IQGAP3: variants seen among roughly 807,000 people sequenced by gnomAD.
The protein encoded by IQGAP3 is IQ motif containing GTPase activating protein 3.
IQGAP3 carries 165 observed loss-of-function variants against 208.2 expected under a neutral mutation model. The ratio of observed to expected loss-of-function variants is 0.79; its 90% CI spans 0.70 to 0.90. The LOEUF (loss-of-function observed/expected upper bound fraction) is 0.90. IQGAP3 is among the 40% of genes least tolerant of loss of function. IQGAP3 has a pLI of 0.00. For missense variants in IQGAP3, 1,811 were observed against 2,043.1 expected (o/e 0.89, Z 2.19); for synonymous variants, 703 against 803.6 (o/e 0.87, Z 2.12).
rs143644649 is a variant in IQGAP3 at position 156,556,935 on chromosome 1, T to TAAGGTGGTGAGCACAAGATTGACA, written c.1130-243_1130-242insTGTCAATCTTGTGCTCACCACCTT. On this transcript the variant is annotated intron_variant, in intron 11 of 37. Transcript: ENST00000361170. ...CCTAGAAATTGAGTAGCTCAGCCTC[T>TAAGGTGGTGAGCACAAGATTGACA]GCCCCGCCGCCCTGTCTGGGATGTG... 5.8e-4 allele frequency among the ~76,000 whole-genome samples: 24 copies of TAAGGTGGTGAGCACAAGATTGACA among 41,608 alleles called. 2 individuals carry two copies. Among genetic ancestry groups the TAAGGTGGTGAGCACAAGATTGACA allele is most frequent in the African/African-American group, 1.4e-3 (24 of 17,244 alleles). 27.3% of individuals were successfully genotyped at this position (41,608 alleles called of 152,430 possible). A position where few individuals can be genotyped will look rare whatever the true frequency, so the allele number is the denominator to read the frequency against.
At chr1:156,562,507 G>T in intron 9 of IQGAP3, 80 bp downstream of exon 9, 1 of 1,167,272 alleles carries the variant, frequency 8.6e-7, no homozygotes, top group Non-Finnish European at 1.3e-6. Flanking sequence ...TCTGGCTTGA[G>T]AAAAGCTATC....
At chr1:156,555,317 G>T (rs1675777427) in intron 12 of IQGAP3, among the ~76,000 whole-genome samples, 1 of 152,196 alleles carries the variant, frequency 6.6e-6, no homozygotes, top group Admixed American at 6.5e-5. Context: ...GGCTCTCCCG[G>T]GTTCAAGTGA....
Position 156,534,692 on chromosome 1 carries a change from A to G in IQGAP3, c.3549T>C (p.Ala1183=). The G allele has an allele frequency of 1.9e-6, 3 of 1,607,636 alleles. No homozygotes were observed. Among genetic ancestry groups the G allele is most frequent in the Non-Finnish European group, 2.5e-6 (3 of 1,177,756 alleles). The part of the protein sequence containing the change: ...NLLYYRFLNP[A]VVAPDAFDIV... ...TGTCGAAGGCGTCAGGAGCCACCAC[A>G]GCTGGGTTCAGGAAGCGGTAGTACA... Residue 1183 remains alanine, a synonymous_variant, in exon 29 of 38, where the codon GCT becomes GCC. Transcript: ENST00000361170.
chr1:156,552,828 C>T (rs1675618721), intron 13 of IQGAP3, among the ~76,000 whole-genome samples: 1 of 152,234 alleles, frequency 6.6e-6, no homozygotes, highest in Non-Finnish European at 1.5e-5. Context: ...AATTCCAACA[C>T]TTTGGGAGGC....
chr1:156,541,331 C>T (rs1674965073), intron 22 of IQGAP3, among the ~76,000 whole-genome samples: 1 of 151,936 alleles, frequency 6.6e-6, no homozygotes, highest in African/African-American at 2.4e-5. Flanking sequence ...CACCACTCAG[C>T]CCTGCTTGCT....
intron 19 of IQGAP3, among the ~76,000 whole-genome samples, chr1:156,546,033 T>C (rs2102395975): frequency 6.6e-6 from 1 of 152,272 alleles, no homozygotes; most frequent in East Asian, 1.9e-4. Context: ...GCTGTCCATG[T>C]TGGAGCCTAG....
chr1:156,563,681 C>T lies in IQGAP3; in HGVS notation c.506-15G>A. 1 of 1,610,872 alleles carries T rather than the reference C, an allele frequency of 6.2e-7. No individual in the cohort carries two copies. Among genetic ancestry groups the T allele is most frequent in the Non-Finnish European group, 8.5e-7 (1 of 1,178,070 alleles). On this transcript the variant is annotated splice_polypyrimidine_tract_variant and intron_variant, in intron 6 of 37. Coordinates refer to ENST00000361170, the MANE Select transcript of IQGAP3 (RefSeq NM_178229.5). ...GAGTTCCTCAGCTGCAATGATGCCA[C>T]AGGTGCCCTTCATCAGGCCCAGAAC...
At chr1:156,566,152 C>A in intron 3 of IQGAP3, 48 bp from the exon 4 acceptor site, 1 of 1,523,344 alleles carries the variant, frequency 6.6e-7, no homozygotes. Context: ...TCTCAGCACT[C>A]CCTATGGGTA....
At chr1:156,529,916 C>CAAA (rs57536386) in intron 34 of IQGAP3, among the ~76,000 whole-genome samples, 189 bp downstream of exon 34, 2 of 68,984 alleles carry the variant, frequency 2.9e-5, no homozygotes, top group Admixed American at 1.7e-4. Context: ...GAGACTGTCT[C>CAAA]AAAAAAAAAA....
At chr1:156,571,866 CCA>C (rs1186338694) in intron 1 of IQGAP3, among the ~76,000 whole-genome samples, 5 of 152,168 alleles carry the variant, frequency 3.3e-5, no homozygotes, top group African/African-American at 1.2e-4. Context: ...CCTTCCAGCT[CCA>C]GTCTCTCTCT....
At chr1:156,571,586 A>G (rs1285925791) in intron 1 of IQGAP3, among the ~76,000 whole-genome samples, 1 of 152,214 alleles carries the variant, frequency 6.6e-6, no homozygotes, top group East Asian at 1.9e-4. Flanking sequence ...ATGGAAAATA[A>G]ACCAGTAAGT....
At chr1:156,537,651 G>A (rs576415140) in intron 26 of IQGAP3, among the ~76,000 whole-genome samples, 6 of 152,252 alleles carry the variant, frequency 3.9e-5, no homozygotes, top group Admixed American at 2.0e-4. Flanking sequence ...GAATAATGGA[G>A]AGGCTGGGCC....
intron 8 of IQGAP3, among the ~76,000 whole-genome samples, 189 bp from the exon 9 acceptor site, chr1:156,562,854 T>C (rs923765826): frequency 6.6e-6 from 1 of 152,168 alleles, no homozygotes; most frequent in African/African-American, 2.4e-5. Flanking sequence ...AAACCAACCT[T>C]TGGAACCTCC....
rs557393920 is a variant in IQGAP3, at chr1:156,549,201, C to T, written c.1826-453G>A. On this transcript the variant is annotated intron_variant, in intron 16 of 37. Coordinates refer to ENST00000361170, the MANE Select transcript of IQGAP3 (RefSeq NM_178229.5). ...ATTGGCCAGGCACTGTGGCTCACGC[C>T]TGTAATCCCAGCTCTTTGGGAGGCT... Among the ~76,000 whole-genome samples the T allele has an allele frequency of 2.0e-5, 3 of 152,312 alleles. No individual in the cohort carries two copies. In the East Asian group the frequency reaches 5.8e-4, roughly 29 times the overall value.
chr1:156,566,608 C>A, intron 2 of IQGAP3, 62 bp from the exon 3 acceptor site: 1 of 1,531,032 alleles, frequency 6.5e-7, no homozygotes, highest in Non-Finnish European at 9.0e-7. Context: ...ATTCTAACAA[C>A]AGGAACTTCC....
chr1:156,542,504 T>C (rs1328108088), intron 22 of IQGAP3, among the ~76,000 whole-genome samples: 1 of 152,182 alleles, frequency 6.6e-6, no homozygotes, highest in African/African-American at 2.4e-5. Flanking sequence ...GACAAATCTT[T>C]GAGGAGTGAA....
At chr1:156,545,503 C>CTT (rs34641885) in intron 19 of IQGAP3, among the ~76,000 whole-genome samples, 59,459 of 142,312 alleles carry the variant, frequency 0.42, 13,881 homozygotes, top group South Asian at 0.63. Context: ...TACTTCCTGT[C>CTT]TTTTTTTTTT....
intron 12 of IQGAP3, among the ~76,000 whole-genome samples, chr1:156,554,927 C>T (rs368349552): frequency 5.3e-5 from 8 of 152,212 alleles, no homozygotes; most frequent in South Asian, 4.1e-4. Flanking sequence ...CATGGTGGTG[C>T]GTACCTGTCA....
At chr1:156,535,087 G>A (rs1359247359) in intron 28 of IQGAP3, 76 bp downstream of exon 28, 2 of 1,093,274 alleles carry the variant, frequency 1.8e-6, no homozygotes, top group Non-Finnish European at 2.8e-6. Context: ...TTGTGTTTTT[G>A]TCTCAGTCTG....
Sources: gnomAD v4.1 joint callset for allele counts (sites outside exome capture counted in the v4.1 genomes callset) on GRCh38, gnomAD v4.1.1 for gene constraint, MANE v1.5 for transcripts, NCBI Gene and HGNC (gene_info 2026-07-23, HGNC 2026-07-21) for gene names.